The following TSPAN14 variants were observed in gnomAD, a reference collection of about 807,000 sequenced individuals.
The protein encoded by TSPAN14 is tetraspanin 14, also known as tetraspanin-14.
TSPAN14 carries 16 observed loss-of-function variants against 36.6 expected under a neutral mutation model. That is an observed-to-expected ratio of 0.44 (90% CI 0.30 to 0.66). The LOEUF (loss-of-function observed/expected upper bound fraction) is 0.66. TSPAN14 is among the 30% of genes least tolerant of loss of function. The pLI, the probability that TSPAN14 is intolerant of heterozygous loss-of-function variation, is 0.12. For missense variants in TSPAN14, 231 were observed against 355.1 expected (o/e 0.65, Z 2.81); for synonymous variants, 139 against 143.8 (o/e 0.97, Z 0.24).
At chr10:80,508,262 C>T (rs1252006926) in intron 4 of TSPAN14, among the ~76,000 whole-genome samples, 4 of 151,974 alleles carry the variant, frequency 2.6e-5, no homozygotes, top group African/African-American at 4.8e-5. Context: ...ACTACAGGCG[C>T]CCGCTACCAT....
chr10:80,510,885 A>T (rs1004816514), intron 5 of TSPAN14, among the ~76,000 whole-genome samples: 4 of 152,228 alleles, frequency 2.6e-5, no homozygotes, highest in African/African-American at 9.7e-5. Flanking sequence ...AAAAAAAGAT[A>T]AAATAAATAA....
chr10:80,473,836 G>C (rs1418286879), intron 1 of TSPAN14, among the ~76,000 whole-genome samples: 2 of 151,990 alleles, frequency 1.3e-5, no homozygotes, highest in African/African-American at 4.8e-5. Context: ...GGATGTGCAT[G>C]GACAGTTCTG....
chr10:80,470,771 C>G (rs1184833978), intron 1 of TSPAN14, among the ~76,000 whole-genome samples: 1 of 152,208 alleles, frequency 6.6e-6, no homozygotes, highest in African/African-American at 2.4e-5. Context: ...TCAGGAGTGG[C>G]TCCCACCCCA....
intron 1 of TSPAN14, among the ~76,000 whole-genome samples, chr10:80,457,474 C>G (rs1295304526): frequency 6.6e-6 from 1 of 152,198 alleles, no homozygotes; most frequent in Non-Finnish European, 1.5e-5. Flanking sequence ...CAGGCGTGAG[C>G]CACTGTGCCG....
At chr10:80,457,249 G>C (rs1037918041) in intron 1 of TSPAN14, among the ~76,000 whole-genome samples, 2 of 150,852 alleles carry the variant, frequency 1.3e-5, no homozygotes, top group African/African-American at 4.9e-5. Context: ...GCAGTGGCGT[G>C]ATCTCGGCTC....
At chr10:80,476,617 A>G (rs1310837405) in intron 1 of TSPAN14, among the ~76,000 whole-genome samples, 3 of 151,792 alleles carry the variant, frequency 2.0e-5, no homozygotes, top group Non-Finnish European at 4.4e-5. Context: ...GGGTTTTACC[A>G]TGTTAGCCAA....
rs1025848361 is a variant in TSPAN14 at position 80,509,416 on chromosome 10, A to T, written c.395A>T (p.Lys132Met). The T allele has an allele frequency of 6.2e-7, 1 of 1,614,160 alleles. No individual in the cohort carries two copies. The highest frequency in any genetic ancestry group is 1.3e-5 in the African/African-American group (1 of 75,046). Residue 132 changes from lysine to methionine, a missense_variant, in exon 5 of 9, where the codon AAG (lysine) becomes ATG (methionine). Transcript: ENST00000429989. The surrounding 1 kb of genome is among the most constrained non-coding windows in gnomAD (Gnocchi z 4.7). Reference sequence around the variant, plus strand: ...CGGGAGTTCTTCGAGAGCAACATCAAGTCCTACCGGGACGATATCGATCTG... The same window carrying T: ...CGGGAGTTCTTCGAGAGCAACATCATGTCCTACCGGGACGATATCGATCTG...
At chr10:80,480,698 T>C (rs887322481) in intron 1 of TSPAN14, among the ~76,000 whole-genome samples, 4 of 151,760 alleles carry the variant, frequency 2.6e-5, no homozygotes, top group South Asian at 2.1e-4. Context: ...CCAAACACCG[T>C]ATATTCTCAC....
At chr10:80,508,652 A>G (rs1840443923) in intron 4 of TSPAN14, among the ~76,000 whole-genome samples, 1 of 152,120 alleles carries the variant, frequency 6.6e-6, no homozygotes, top group South Asian at 2.1e-4. Flanking sequence ...ACGATCATAT[A>G]CTTTCATGCA....
intron 1 of TSPAN14, among the ~76,000 whole-genome samples, chr10:80,457,257 C>G (rs958388237): frequency 5.3e-5 from 8 of 151,646 alleles, no homozygotes; most frequent in Non-Finnish European, 8.8e-5. Context: ...GTGATCTCGG[C>G]TCACTGCAAC....
At chr10:80,506,227 C>T (rs1840290388) in intron 3 of TSPAN14, among the ~76,000 whole-genome samples, 1 of 152,222 alleles carries the variant, frequency 6.6e-6, no homozygotes, top group Non-Finnish European at 1.5e-5. Flanking sequence ...CCCTCCTCGG[C>T]CTCCCAAAGT....
chr10:80,483,189 A>T (rs576769154), intron 1 of TSPAN14, among the ~76,000 whole-genome samples: 1 of 152,316 alleles, frequency 6.6e-6, no homozygotes, highest in African/African-American at 2.4e-5. Context: ...TGCCAGCCTT[A>T]TATATTGTAG....
At chr10:80,492,543 G>A (rs1450751967) in intron 2 of TSPAN14, among the ~76,000 whole-genome samples, 2 of 152,154 alleles carry the variant, frequency 1.3e-5, no homozygotes, top group African/African-American at 2.4e-5. Flanking sequence ...CAGGCCTGGC[G>A]CGGTGGCTCA....
intron 1 of TSPAN14, chr10:80,463,248 G>C (rs1007108656): frequency 6.6e-6 from 1 of 152,114 alleles, no homozygotes; most frequent in Non-Finnish European, 1.5e-5. Context: ...AGACAGCTAC[G>C]GGTAAAATTG....
intron 1 of TSPAN14, among the ~76,000 whole-genome samples, chr10:80,474,699 C>T (rs1361747201): frequency 3.9e-5 from 6 of 152,082 alleles, no homozygotes; most frequent in African/African-American, 1.4e-4. Flanking sequence ...ACTCCAGGGA[C>T]ATCACTCTCA....
exon 9 of TSPAN14, chr10:80,520,880 G>C (rs1221598124): frequency 1.9e-6 from 1 of 520,538 alleles, no homozygotes; most frequent in South Asian, 1.4e-5. Context: ...CAGAGGCCCA[G>C]GCTCGCCAGT....
At chr10:80,495,540 A>G (rs1396829850) in intron 2 of TSPAN14, among the ~76,000 whole-genome samples, 1 of 152,168 alleles carries the variant, frequency 6.6e-6, no homozygotes, top group Admixed American at 6.5e-5. Context: ...GGCTGGGACC[A>G]CCAGTTGGGA....
intron 5 of TSPAN14, 23 bp from the exon 6 acceptor site, chr10:80,512,121 A>G (rs368090522): frequency 2.0e-5 from 33 of 1,613,880 alleles, no homozygotes; most frequent in Non-Finnish European, 2.6e-5. Context: ...AGCCCCTAAC[A>G]GTTCTGGCTT....
chr10:80,483,206 T>C (rs192725288), intron 1 of TSPAN14, among the ~76,000 whole-genome samples: 94 of 152,304 alleles, frequency 6.2e-4, no homozygotes, highest in African/African-American at 2.2e-3. Context: ...GTAGCAAGCA[T>C]TCTCCTTCCC....
Sources: gnomAD v4.1 joint callset for allele counts (sites outside exome capture counted in the v4.1 genomes callset) on GRCh38, gnomAD v4.1.1 for gene constraint, Gnocchi (gnomAD v3.1) non-coding constraint, MANE v1.5 for transcripts, NCBI Gene and HGNC (gene_info 2026-07-23, HGNC 2026-07-21) for gene names.